The following FBN2 variants were observed in gnomAD, a reference collection of about 807,000 sequenced individuals.
FBN2 encodes the protein fibrillin 2.
In FBN2, 105 loss-of-function variants were observed where a neutral mutation model predicts 355.6. That is an observed-to-expected ratio of 0.30 (90% CI 0.25 to 0.35). The LOEUF (loss-of-function observed/expected upper bound fraction) is 0.35, where lower values mean the gene tolerates loss of function less well. Among genes scored for constraint, FBN2 ranks in the 10% least tolerant of loss-of-function variants. The pLI, the probability that FBN2 is intolerant of heterozygous loss-of-function variation, is 1.00. For synonymous variants in FBN2, 1,350 were observed against 1,301.2 expected (o/e 1.04, Z -0.81); for missense variants, 3,280 against 3,758.7 (o/e 0.87, Z 3.33).
At chr5:128,372,142 G>A (rs986836594) in intron 15 of FBN2, among the ~76,000 whole-genome samples, 1 of 152,200 alleles carries the variant, frequency 6.6e-6, no homozygotes, top group East Asian at 1.9e-4. Flanking sequence ...AGGAGGAACA[G>A]AGAGGTCCTG....
At position 128,446,496 on chromosome 5, in the gene FBN2, T is replaced by C; in HGVS notation, c.937A>G (p.Thr313Ala). 1.2e-6 allele frequency: 2 copies of C among 1,613,928 alleles called. No individual in the cohort carries two copies. The highest frequency in any genetic ancestry group is 1.7e-6 in the Non-Finnish European group (2 of 1,179,874). The change falls in exon 7 of 65, where the codon ACT becomes GCT. Residue 313 changes from threonine (T) to alanine (A), a missense_variant. This residue lies in a region of FBN2 where 343 missense variants were observed against 331.0 expected (regional missense o/e 1.04). Transcript: ENST00000262464. The part of the protein sequence containing the change: ...CPAGHKQSET[T>A]QKCEDIDECS... The stretch of plus-strand genomic sequence containing the variant: ...AGAGACTCACCTTCACATTTCTGAG[T>C]AGTTTCACTCTGTTTGTGACCAGCA...
intron 7 of FBN2, among the ~76,000 whole-genome samples, chr5:128,424,489 A>G (rs538232183): frequency 2.0e-5 from 3 of 152,320 alleles, no homozygotes; most frequent in African/African-American, 7.2e-5. Context: ...GGTTATGCAG[A>G]GGATGAAAGC....
chr5:128,536,152 T>C (rs745528414), intron 2 of FBN2, among the ~76,000 whole-genome samples: 1 of 152,256 alleles, frequency 6.6e-6, no homozygotes, highest in Non-Finnish European at 1.5e-5. Context: ...CATAGAAAGA[T>C]AAAACTTTCA....
intron 6 of FBN2, among the ~76,000 whole-genome samples, chr5:128,459,537 C>A (rs775636619): frequency 1.7e-4 from 26 of 151,916 alleles, no homozygotes; most frequent in Non-Finnish European, 3.4e-4. Flanking sequence ...ACAACAACAA[C>A]AAATTGTGAA....
At chr5:128,503,656 T>A (rs1169396342) in intron 5 of FBN2, among the ~76,000 whole-genome samples, 1 of 152,068 alleles carries the variant, frequency 6.6e-6, no homozygotes, top group African/African-American at 2.4e-5. Flanking sequence ...ATTTAGGATA[T>A]CTGGTGGAAG....
intron 8 of FBN2, among the ~76,000 whole-genome samples, chr5:128,403,033 A>G (rs1260712360): frequency 1.4e-4 from 21 of 151,608 alleles, no homozygotes; most frequent in Non-Finnish European, 5.9e-5. Context: ...ATATCCTCAT[A>G]CTCTTTCATT....
intron 6 of FBN2, among the ~76,000 whole-genome samples, chr5:128,448,983 T>G (rs1012803689): frequency 6.6e-6 from 1 of 151,988 alleles, no homozygotes; most frequent in African/African-American, 2.4e-5. Context: ...TAATAAAGAA[T>G]TTTTGGACTT....
chr5:128,350,879 C>T lies in FBN2; in HGVS notation c.2801G>A (p.Arg934Gln), dbSNP rs376194507. Residue 934 changes from arginine to glutamine, a missense_variant, in exon 21 of 65, where the codon CGG becomes CAG. By Grantham distance (43) the Arg-to-Gln change is conservative (BLOSUM62 1). This residue lies in a region of FBN2 where 2,284 missense variants were observed against 2,749.5 expected (regional missense o/e 0.83). Transcript: ENST00000262464. Reference sequence around the variant, plus strand: ...AATAAGGCTCCTACCTAGTTCACACCGCTCACAGGGGCTCCCCCAGGCGGC... The same window carrying T: ...AATAAGGCTCCTACCTAGTTCACACTGCTCACAGGGGCTCCCCCAGGCGGC... Reference protein sequence around the residue: ...LGAAWGSPCERCELDTACPRG... With the variant: ...LGAAWGSPCEQCELDTACPRG... 1.2e-4 allele frequency: 196 copies of T among 1,614,018 alleles called. No homozygotes were observed. Among genetic ancestry groups the T allele is most frequent in the Non-Finnish European group, 1.5e-4 (176 of 1,180,026 alleles).
At chr5:128,533,708 A>C (rs1407648086) in intron 2 of FBN2, among the ~76,000 whole-genome samples, 1 of 152,188 alleles carries the variant, frequency 6.6e-6, no homozygotes. Context: ...ATTATACCGG[A>C]ATGCTCTGAT....
intron 6 of FBN2, among the ~76,000 whole-genome samples, chr5:128,457,419 C>T (rs35776217): frequency 0.17 from 25,375 of 152,106 alleles, 2,213 homozygotes; most frequent in Non-Finnish European, 0.21. Flanking sequence ...CCTAGCAAGA[C>T]AGGCCAACAG....
At chr5:128,463,248 T>C (rs1754607453) in intron 6 of FBN2, among the ~76,000 whole-genome samples, 1 of 152,076 alleles carries the variant, frequency 6.6e-6, no homozygotes, top group South Asian at 2.1e-4. Context: ...TATCTTCCTA[T>C]AGAAGAAACT....
chr5:128,310,171 T>G, intron 39 of FBN2, 63 bp from the exon 40 acceptor site: 1 of 1,378,386 alleles, frequency 7.3e-7, no homozygotes, highest in Non-Finnish European at 1.0e-6. Context: ...TTATATTACT[T>G]AGATGACTGA....
intron 11 of FBN2, among the ~76,000 whole-genome samples, chr5:128,391,359 C>G (rs1019855321): frequency 6.6e-6 from 1 of 152,078 alleles, no homozygotes; most frequent in African/African-American, 2.4e-5. Flanking sequence ...CAGCTGGCTT[C>G]TATTAAGGCA....
In FBN2 at chr5:128,259,336, G is replaced by A. The variant is rs3805618; in HGVS notation, c.*119C>T. On this transcript the variant is annotated 3_prime_UTR_variant, in exon 65 of 65. Coordinates refer to ENST00000262464, the MANE Select transcript of FBN2 (RefSeq NM_001999.4). ...GGTCAACATTCAAAGTCTAAGACAG[G>A]GAGGAAAGAAACAAGAGTTATTATT... The A allele has an allele frequency of 8.0e-4, 1,021 of 1,280,884 alleles. 9 individuals are homozygous for A. In the East Asian group the frequency reaches 0.021, roughly 27 times the overall value. The allele number at this position is 1,280,884 out of a possible 1,614,324, so 79.3% of individuals were successfully genotyped here.
chr5:128,388,968 G>T (rs1416884869), intron 11 of FBN2, among the ~76,000 whole-genome samples: 1 of 152,068 alleles, frequency 6.6e-6, no homozygotes, highest in Non-Finnish European at 1.5e-5. Flanking sequence ...CTGTTTCAGG[G>T]ATGCCAATGA....
intron 6 of FBN2, among the ~76,000 whole-genome samples, chr5:128,447,349 T>C (rs1754093969): frequency 6.6e-6 from 1 of 152,162 alleles, no homozygotes; most frequent in Non-Finnish European, 1.5e-5. Context: ...GAAACAGCCC[T>C]GAGAAAGAGA....
At chr5:128,487,635 C>A (rs1247801846) in intron 5 of FBN2, among the ~76,000 whole-genome samples, 1 of 152,148 alleles carries the variant, frequency 6.6e-6, no homozygotes, top group Non-Finnish European at 1.5e-5. Context: ...AGCACAGTGA[C>A]TAGCAGATGA....
chr5:128,325,887 C>T (rs1211665019), intron 34 of FBN2, among the ~76,000 whole-genome samples: 2 of 152,104 alleles, frequency 1.3e-5, no homozygotes, highest in Non-Finnish European at 2.9e-5. Context: ...GTCCCCATTT[C>T]TTACTTCCCT....
chr5:128,537,230 G>C lies in FBN2; in HGVS notation c.254+120C>G, dbSNP rs780614790. 47 of 1,466,152 alleles carry C rather than the reference G, an allele frequency of 3.2e-5. No homozygotes were observed. The African/African-American group carries it at 6.0e-4, about 19-fold the overall frequency. 90.8% of individuals were successfully genotyped at this position (1,466,152 alleles called of 1,614,324 possible). ...GTCTTTGGATATTCTGGCAAAGGGGGCTGCAGCTCTAGGCTCCAGCTAAAG... is the reference window on the plus strand; with the variant it reads ...GTCTTTGGATATTCTGGCAAAGGGGCCTGCAGCTCTAGGCTCCAGCTAAAG... On this transcript the variant is annotated intron_variant, in intron 1 of 64. Coordinates refer to ENST00000262464, the MANE Select transcript of FBN2 (RefSeq NM_001999.4).
Sources: gnomAD v4.1 joint callset for allele counts (sites outside exome capture counted in the v4.1 genomes callset) on GRCh38, gnomAD v4.1.1 for gene constraint, gnomAD v4.1.1 regional missense constraint, MANE v1.5 for transcripts, NCBI Gene and HGNC (gene_info 2026-07-23, HGNC 2026-07-21) for gene names.